Variants in PCDHGA2 observed in about 807,000 individuals in gnomAD.
PCDHGA2 encodes protocadherin gamma-A2.
In PCDHGA2, 40 loss-of-function variants were observed where a neutral mutation model predicts 59.2. That is an observed-to-expected ratio of 0.68 (90% CI 0.52 to 0.88). The LOEUF (loss-of-function observed/expected upper bound fraction) is 0.88, where lower values mean the gene tolerates loss of function less well. Among genes scored for constraint, PCDHGA2 ranks in the 40% least tolerant of loss-of-function variants. PCDHGA2 has a pLI of 0.00. For missense variants in PCDHGA2, 1,226 were observed against 1,204.0 expected (o/e 1.02, Z -0.27); for synonymous variants, 560 against 526.0 (o/e 1.06, Z -0.89).
In PCDHGA2 at chr5:141,346,386, T is replaced by A. The variant is rs1354001719; in HGVS notation, c.2424+4991T>A. The A allele has an allele frequency of 1.9e-6, 3 of 1,614,234 alleles. No individual in the cohort carries two copies. In the Admixed American group the frequency reaches 5.0e-5, roughly 27 times the overall value. On this transcript the variant is annotated intron_variant, in intron 1 of 3. Transcript: ENST00000394576. The stretch of plus-strand genomic sequence containing the variant: ...GGACACGCTCATCAGCCAGGAGAGC[T>A]GTGAGAAAAGCGAGCCTCTTCTGAT...
Position 141,491,910 on chromosome 5 carries a change from G to A in PCDHGA2, c.2425-2897G>A, listed in dbSNP as rs946745903. 1.4e-5 allele frequency: 19 copies of A among 1,406,944 alleles called. No individual in the cohort carries two copies. The South Asian group carries it at 2.6e-4, about 19-fold the overall frequency. 87.2% of individuals were successfully genotyped at this position (1,406,944 alleles called of 1,614,324 possible). On this transcript the variant is annotated intron_variant, in intron 1 of 3. Transcript: ENST00000394576. This position sits in a 1 kb window ranked among gnomAD's most constrained non-coding sequence, Gnocchi z 6.9. ...GGCTCCGAGCACCGGGGGTGGTGGCGACTGTGGGCGAGGGGAGGTGGGACC... is the reference window on the plus strand; with the variant it reads ...GGCTCCGAGCACCGGGGGTGGTGGCAACTGTGGGCGAGGGGAGGTGGGACC...
chr5:141,511,443 C>A lies in PCDHGA2; in HGVS notation c.*270C>A. On this transcript the variant is annotated 3_prime_UTR_variant, in exon 4 of 4. Coordinates refer to ENST00000394576, the MANE Select transcript of PCDHGA2 (RefSeq NM_018915.4). ...GGGGTAGTGGGGTTACTGTAGACAC[C>A]AAGAACCATTTGCCACACCCCGTTT... 1 of 670,886 alleles carries A rather than the reference C, an allele frequency of 1.5e-6. No homozygotes were observed. Among genetic ancestry groups the A allele is most frequent in the Non-Finnish European group, 2.4e-6 (1 of 421,442 alleles). 41.6% of individuals were successfully genotyped at this position (670,886 alleles called of 1,614,324 possible).
At chr5:141,344,572 T>C (rs752736828) in intron 1 of PCDHGA2, 3 of 1,613,910 alleles carry the variant, frequency 1.9e-6, no homozygotes, top group African/African-American at 2.7e-5. Flanking sequence ...TACTTCTCTC[T>C]GGCTGTGAAT....
At chr5:141,452,119 TTCATATATGGC>T (rs1472213897) in intron 1 of PCDHGA2, among the ~76,000 whole-genome samples, 3 of 152,250 alleles carry the variant, frequency 2.0e-5, no homozygotes, top group African/African-American at 7.2e-5. Flanking sequence ...TTCTTATTTA[TTCATATATGGC>T]TCATGTGTTT....
chr5:141,418,618 A>T, intron 1 of PCDHGA2: 5 of 1,614,046 alleles, frequency 3.1e-6, no homozygotes, highest in Non-Finnish European at 4.2e-6. Context: ...GCCTTCGGGA[A>T]GACGTGCCTC....
In PCDHGA2 at chr5:141,340,421, A is replaced by T. The variant is rs780270079; in HGVS notation, c.1450A>T (p.Asn484Tyr). The T allele has an allele frequency of 3.1e-6, 5 of 1,614,030 alleles. No individual in the cohort carries two copies. The highest frequency in any genetic ancestry group is 1.6e-4 in the Middle Eastern group (1 of 6,084). The change falls in exon 1 of 4, where the codon AAT becomes TAT. Residue 484 changes from asparagine (N) to tyrosine (Y), a missense_variant. Physicochemically the swap from Asn to Tyr is moderately radical, Grantham distance 143. Coordinates refer to ENST00000394576, the MANE Select transcript of PCDHGA2 (RefSeq NM_018915.4). ...GGCCCATGACCCCGACAGCAACGAC[A>T]ATGCTCATGTAACTTACTCTTTCGC... is the stretch of plus-strand genomic sequence containing the variant. ...VTAHDPDSND[N>Y]AHVTYSFAED...
chr5:141,396,179 C>G (rs948602586), intron 1 of PCDHGA2: 1 of 152,178 alleles, frequency 6.6e-6, no homozygotes, highest in African/African-American at 2.4e-5. Context: ...CTTGGCTGGA[C>G]ACAGTGCCTC....
At chr5:141,419,674 C>A (rs372932653) in intron 1 of PCDHGA2, 1 of 1,612,938 alleles carries the variant, frequency 6.2e-7, no homozygotes, top group Non-Finnish European at 8.5e-7. Flanking sequence ...CCTGGCTGTC[C>A]TACCACGTGG....
chr5:141,437,444 G>A (rs957088733), intron 1 of PCDHGA2, among the ~76,000 whole-genome samples: 26 of 152,212 alleles, frequency 1.7e-4, no homozygotes, highest in Admixed American at 2.0e-4. Context: ...GCATAGGAAT[G>A]TTGAGGAGAC....
At chr5:141,370,437 CG>C (rs1561546503) in intron 1 of PCDHGA2, 6 of 1,603,792 alleles carry the variant, frequency 3.7e-6, no homozygotes, top group Non-Finnish European at 5.1e-6. Context: ...AGGGCAGAGG[CG>C]AATGCTATTT....
intron 1 of PCDHGA2, chr5:141,378,164 A>G (rs772489747): frequency 6.6e-6 from 1 of 152,258 alleles, no homozygotes; most frequent in African/African-American, 2.4e-5. Context: ...GTTGTTAACA[A>G]TAACTAAGCA....
At chr5:141,408,651 C>G (rs373860648) in intron 1 of PCDHGA2, 3 of 1,614,012 alleles carry the variant, frequency 1.9e-6, no homozygotes, top group South Asian at 1.1e-5. Context: ...TCCGCTGGTA[C>G]ACGACTATCG....
In PCDHGA2 at chr5:141,478,732, T is replaced by C. The variant is rs772167680; in HGVS notation, c.2425-16075T>C. 7.2e-6 allele frequency: 11 copies of C among 1,537,428 alleles called. No homozygotes were observed. In the South Asian group the frequency reaches 1.2e-4, roughly 17 times the overall value. On this transcript the variant is annotated intron_variant, in intron 1 of 3. Transcript: ENST00000394576. ...GAGATGGTGGCCTGCCAGAGTGTGG[T>C]TTGTGGTCCCATTTCAGGGGGAAGA...
chr5:141,356,457 C>T (rs1760227280), intron 1 of PCDHGA2: 1 of 1,613,452 alleles, frequency 6.2e-7, no homozygotes, highest in East Asian at 2.2e-5. Flanking sequence ...CAGAATATAA[C>T]ATCACTGTAA....
At chr5:141,374,058 C>T in intron 1 of PCDHGA2, 1 of 1,487,942 alleles carries the variant, frequency 6.7e-7, no homozygotes, top group Non-Finnish European at 8.9e-7. Context: ...CTTCTTAATC[C>T]CAGAGAAGTT....
chr5:141,413,555 T>C (rs1270604020), intron 1 of PCDHGA2: 1 of 1,613,852 alleles, frequency 6.2e-7, no homozygotes. Flanking sequence ...GAAATAGAAG[T>C]AACTGATATC....
intron 1 of PCDHGA2, chr5:141,364,874 G>A (rs368317740): frequency 6.2e-6 from 10 of 1,613,884 alleles, no homozygotes; most frequent in Non-Finnish European, 8.5e-6. Flanking sequence ...CTCTCTGGAT[G>A]TGGTAAGCGG....
rs142588721 is a variant in PCDHGA2 at position 141,341,068 on chromosome 5, G to T, written c.2097G>T (p.Ala699=). Residue 699 remains alanine (A), a synonymous_variant, in exon 1 of 4, where the codon GCG becomes GCT. Transcript: ENST00000394576. Reference sequence around the variant, plus strand: ...TGTACCTGGTGGTGGCGGTGGCCGCGGTCTCCTGCGTCTTCCTGGCCTTCG... The same window carrying T: ...TGTACCTGGTGGTGGCGGTGGCCGCTGTCTCCTGCGTCTTCCTGGCCTTCG... ...LTLYLVVAVA[A]VSCVFLAFVI... 2.0e-5 allele frequency: 32 copies of T among 1,614,042 alleles called. No homozygotes were observed. In the South Asian group the frequency reaches 2.2e-4, roughly 11 times the overall value.
chr5:141,492,296 G>GACGC lies in PCDHGA2; in HGVS notation c.2425-2500_2425-2497dup, dbSNP rs540417011. 9.7e-4 allele frequency among the ~76,000 whole-genome samples: 148 copies of GACGC among 152,328 alleles called. 2 individuals are homozygous for GACGC. In the South Asian group the frequency reaches 0.014, roughly 14 times the overall value. ...GCCACGCCCCGCCAACACGTGCGCGGACGCACGCACGCACTCCTCGCACGT... is the reference window on the plus strand; with the variant it reads ...GCCACGCCCCGCCAACACGTGCGCGGACGCACGCACGCACGCACTCCTCGCACGT... On this transcript the variant is annotated intron_variant, in intron 1 of 3. Transcript: ENST00000394576.
Sources: gnomAD v4.1 joint callset for allele counts (sites outside exome capture counted in the v4.1 genomes callset) on GRCh38, gnomAD v4.1.1 for gene constraint, Gnocchi (gnomAD v3.1) non-coding constraint, MANE v1.5 for transcripts, NCBI Gene and HGNC (gene_info 2026-07-23, HGNC 2026-07-21) for gene names.